DISP1: variants seen among roughly 807,000 people sequenced by gnomAD.
DISP1 encodes protein dispatched homolog 1.
A neutral mutation model predicts 37.3 loss-of-function variants in DISP1; 30 were observed. The observed-to-expected ratio is 0.80, with a 90% CI of 0.60 to 1.09. DISP1 has a LOEUF of 1.09. Ranked by LOEUF, DISP1 falls within the 50% of genes least tolerant of loss-of-function variation. The probability of loss-of-function intolerance (pLI) is 0.00; values close to 1 mark genes in which losing one functional copy is unlikely to be tolerated. For synonymous variants in DISP1, 634 were observed against 690.2 expected (o/e 0.92, Z 1.28); for missense variants, 1,598 against 1,879.5 (o/e 0.85, Z 2.77).
rs1558081984 is a variant in DISP1, at chr1:223,002,749, A to G, written c.1352A>G (p.Tyr451Cys). 1 of 1,614,190 alleles carries G rather than the reference A, an allele frequency of 6.2e-7. No homozygotes were observed. Among genetic ancestry groups the G allele is most frequent in the Admixed American group, 1.7e-5 (1 of 60,026 alleles). Residue 451 changes from tyrosine (Y) to cysteine (C), a missense_variant, in exon 9 of 9, where the codon TAC (tyrosine) becomes TGC (cysteine). Coordinates refer to ENST00000675850, the MANE Select transcript of DISP1 (RefSeq NM_001377229.1). ...TADYATPALK[Y>C]SMLFSPTEKG... ...GACTATGCCACGCCAGCTTTAAAAT[A>G]CAGCATGCTCTTCTCTCCCACAGAG... is the stretch of plus-strand genomic sequence containing the variant.
At position 223,005,460 on chromosome 1, in the gene DISP1, T is replaced by G. The variant is rs1337594863; in HGVS notation, c.4063T>G (p.Phe1355Val). 13 of 1,613,484 alleles carry G rather than the reference T, an allele frequency of 8.1e-6. No individual in the cohort carries two copies. The highest frequency in any genetic ancestry group is 1.1e-5 in the Non-Finnish European group (13 of 1,179,974). The change falls in exon 9 of 9, where the codon TTT becomes GTT. Residue 1355 changes from phenylalanine (F) to valine (V), a missense_variant. Phe to Val is a conservative substitution (Grantham distance 50). Transcript: ENST00000675850. ...AGMQNSLPRN[F>V]FLHPVQHIQA... ...AATGCAGAATTCTCTGCCTAGGAAT[T>G]TTTTCCTCCACCCAGTGCAGCACAT...
intron 1 of DISP1, among the ~76,000 whole-genome samples, chr1:222,865,041 GT>G (rs575568184): frequency 6.7e-6 from 1 of 148,522 alleles, no homozygotes; most frequent in Non-Finnish European, 1.5e-5. Flanking sequence ...TTTTTGTTTT[GT>G]TTTTTTTTCC....
At chr1:222,994,436 T>C (rs1224972817) in intron 7 of DISP1, among the ~76,000 whole-genome samples, 2 of 152,210 alleles carry the variant, frequency 1.3e-5, no homozygotes, top group Non-Finnish European at 2.9e-5. Context: ...TTTTTAGCGA[T>C]TTTAAATAGA....
At chr1:222,873,511 C>A (rs930572022) in intron 1 of DISP1, among the ~76,000 whole-genome samples, 1 of 152,094 alleles carries the variant, frequency 6.6e-6, no homozygotes, top group Non-Finnish European at 1.5e-5. Context: ...TTGAATTGAT[C>A]CCTTTACCAT....
intron 1 of DISP1, among the ~76,000 whole-genome samples, chr1:222,922,380 G>A (rs1300291133): frequency 2.0e-5 from 3 of 152,106 alleles, no homozygotes; most frequent in Non-Finnish European, 2.9e-5. Context: ...AGTAATTCAA[G>A]GGAAAGTTAA....
chr1:222,876,376 T>C (rs1379064143), intron 1 of DISP1, among the ~76,000 whole-genome samples: 1 of 152,206 alleles, frequency 6.6e-6, no homozygotes, highest in African/African-American at 2.4e-5. Context: ...GTGAACAGTT[T>C]TGCATTTTCT....
At chr1:222,875,832 A>G (rs1390600856) in intron 1 of DISP1, among the ~76,000 whole-genome samples, 1 of 5,994 alleles carries the variant, frequency 1.7e-4, no homozygotes, top group Non-Finnish European at 3.5e-4. Flanking sequence ...CATCTCAATA[A>G]AAAAAAAAAA....
At chr1:222,908,118 A>G (rs994698816) in intron 1 of DISP1, among the ~76,000 whole-genome samples, 6 of 152,184 alleles carry the variant, frequency 3.9e-5, no homozygotes, top group Non-Finnish European at 7.3e-5. Flanking sequence ...TTTACCAGTT[A>G]CCCAAAAGTA....
chr1:222,921,404 G>A lies in DISP1; in HGVS notation c.-158-7026G>A, dbSNP rs1272494621. ...GAAAACTCTTTATTTTTTTTTCCTT[G>A]TTTAAAAATATTTCTGTCAATGCCA... is the stretch of plus-strand genomic sequence containing the variant. On this transcript the variant is annotated intron_variant, in intron 1 of 8. Transcript: ENST00000675850. Among the ~76,000 whole-genome samples, 4 of 150,892 alleles carry A rather than the reference G, an allele frequency of 2.7e-5. No individual in the cohort carries two copies. The South Asian group carries it at 8.3e-4, about 31-fold the overall frequency.
At chr1:222,911,577 T>C (rs1047598966) in intron 1 of DISP1, among the ~76,000 whole-genome samples, 1 of 152,138 alleles carries the variant, frequency 6.6e-6, no homozygotes, top group Middle Eastern at 3.2e-3. Flanking sequence ...CAGTCATAGC[T>C]CACTGCAGCC....
rs537287905 is a variant in DISP1, at chr1:222,972,896, C to A, written c.510-10184C>A. Among the ~76,000 whole-genome samples the A allele has an allele frequency of 2.2e-4, 34 of 152,198 alleles. 1 individual carries two copies. In the South Asian group the frequency reaches 7.1e-3, roughly 32 times the overall value. On this transcript the variant is annotated intron_variant, in intron 3 of 8. Coordinates refer to ENST00000675850, the MANE Select transcript of DISP1 (RefSeq NM_001377229.1). ...GACTGTGTAGTCTCTATTTCAAGAC[C>A]TACTGAACCAGATCCCTGGGGAGGG...
intron 1 of DISP1, among the ~76,000 whole-genome samples, chr1:222,848,232 G>A (rs1668029454): frequency 1.3e-5 from 2 of 151,798 alleles, no homozygotes; most frequent in South Asian, 4.1e-4. Flanking sequence ...TTGCATGCCC[G>A]ATAGTGGGAC....
chr1:222,935,799 C>G (rs1229253966), intron 2 of DISP1, among the ~76,000 whole-genome samples: 1 of 152,224 alleles, frequency 6.6e-6, no homozygotes, highest in Non-Finnish European at 1.5e-5. Flanking sequence ...ACTAGCAGTT[C>G]TGACCGCCAA....
At chr1:222,824,729 G>A (rs1663870712) in intron 1 of DISP1, among the ~76,000 whole-genome samples, 1 of 152,108 alleles carries the variant, frequency 6.6e-6, no homozygotes, top group African/African-American at 2.4e-5. Flanking sequence ...GAAAGGAGAG[G>A]TGGCAGTTAA....
intron 4 of DISP1, 133 bp from the exon 5 acceptor site, chr1:222,990,492 T>G (rs763887980): frequency 7.9e-7 from 1 of 1,272,200 alleles, no homozygotes; most frequent in Non-Finnish European, 1.1e-6. Context: ...CTGTATGTAG[T>G]CTACAATATG....
chr1:222,935,709 G>A (rs986718319), intron 2 of DISP1, among the ~76,000 whole-genome samples: 2 of 152,150 alleles, frequency 1.3e-5, no homozygotes, highest in Non-Finnish European at 2.9e-5. Flanking sequence ...TTGCTAAGTG[G>A]TTACTGTGGT....
intron 1 of DISP1, among the ~76,000 whole-genome samples, chr1:222,889,124 G>A (rs1277407068): frequency 6.6e-6 from 1 of 151,870 alleles, no homozygotes; most frequent in African/African-American, 2.4e-5. Flanking sequence ...TTATAATTTG[G>A]GTGGAGTATA....
At chr1:222,962,082 A>G (rs867264873) in intron 3 of DISP1, among the ~76,000 whole-genome samples, 1 of 152,208 alleles carries the variant, frequency 6.6e-6, no homozygotes, top group Non-Finnish European at 1.5e-5. Context: ...CAACTTCAGC[A>G]AAGTCTCAGC....
At chr1:222,967,044 A>C (rs781497113) in intron 3 of DISP1, among the ~76,000 whole-genome samples, 3 of 152,148 alleles carry the variant, frequency 2.0e-5, no homozygotes, top group Non-Finnish European at 4.4e-5. Context: ...GAGATTATTA[A>C]TAAACCCAAT....
Sources: gnomAD v4.1 joint callset for allele counts (sites outside exome capture counted in the v4.1 genomes callset) on GRCh38, gnomAD v4.1.1 for gene constraint, MANE v1.5 for transcripts, NCBI Gene and HGNC (gene_info 2026-07-23, HGNC 2026-07-21) for gene names.